Variants in CAMK4 observed in about 807,000 individuals in gnomAD.
The protein encoded by CAMK4 is calcium/calmodulin dependent protein kinase IV, also known as calcium/calmodulin-dependent protein kinase type IV.
CAMK4 carries 22 observed loss-of-function variants against 44.9 expected under a neutral mutation model. That is an observed-to-expected ratio of 0.49 (90% CI 0.35 to 0.70). The LOEUF (loss-of-function observed/expected upper bound fraction) is 0.70, where lower values mean the gene tolerates loss of function less well. Among genes scored for constraint, CAMK4 ranks in the 30% least tolerant of loss-of-function variants. The pLI, the probability that CAMK4 is intolerant of heterozygous loss-of-function variation, is 0.01. For missense variants in CAMK4, 498 were observed against 586.8 expected, an observed-to-expected ratio of 0.85 and a Z score of 1.56; for synonymous variants, 218 against 215.4, an observed-to-expected ratio of 1.01 and a Z score of -0.11.
At chr5:111,330,052 AT>A (rs200493608) in intron 1 of CAMK4, among the ~76,000 whole-genome samples, 2 of 150,510 alleles carry the variant, frequency 1.3e-5, no homozygotes, top group Non-Finnish European at 1.5e-5. Context: ...GATAAAACAT[AT>A]TTTTTTTGGT....
At chr5:111,310,417 A>G (rs1409492645) in intron 1 of CAMK4, among the ~76,000 whole-genome samples, 1 of 152,202 alleles carries the variant, frequency 6.6e-6, no homozygotes, top group Non-Finnish European at 1.5e-5. Context: ...GGCACTAATG[A>G]CAAAAGAGGC....
intron 2 of CAMK4, among the ~76,000 whole-genome samples, chr5:111,362,240 T>C (rs918597458): frequency 1.3e-5 from 2 of 152,012 alleles, no homozygotes; most frequent in Admixed American, 1.3e-4. Context: ...CTCTAAATGA[T>C]CAAGCCAGGA....
chr5:111,362,770 G>A (rs1005539151), intron 2 of CAMK4, among the ~76,000 whole-genome samples: 3 of 151,952 alleles, frequency 2.0e-5, no homozygotes, highest in Non-Finnish European at 4.4e-5. Context: ...AATATGAGGA[G>A]TAAAGACCCA....
chr5:111,454,110 A>T (rs1053687999), intron 7 of CAMK4, among the ~76,000 whole-genome samples: 6 of 152,204 alleles, frequency 3.9e-5, no homozygotes, highest in African/African-American at 1.4e-4. Context: ...AGAAAAATTT[A>T]AAATATTTAC....
At chr5:111,348,778 A>G (rs1055816372) in intron 2 of CAMK4, among the ~76,000 whole-genome samples, 1 of 152,038 alleles carries the variant, frequency 6.6e-6, no homozygotes, top group Non-Finnish European at 1.5e-5. Flanking sequence ...TCATAATGAG[A>G]AGTCTGTGGA....
At chr5:111,375,014 C>T (rs953093151) in intron 3 of CAMK4, 102 bp downstream of exon 3, 3 of 753,012 alleles carry the variant, frequency 4.0e-6, no homozygotes, top group African/African-American at 3.5e-5. Flanking sequence ...GATTCTCCCA[C>T]CACTGATAGC....
chr5:111,390,010 A>G (rs962524695), intron 4 of CAMK4, among the ~76,000 whole-genome samples: 1 of 152,220 alleles, frequency 6.6e-6, no homozygotes. Flanking sequence ...TTCAGAAAGT[A>G]TAGTCCCATG....
rs1161826674 is a variant in CAMK4, at chr5:111,252,549, A to G, written c.161+27905A>G. The stretch of plus-strand genomic sequence containing the variant: ...GTAGAGTTAGTGTAAAAAATATCCT[A>G]TGAGTCTTATAGGTCCCAAAAGGAC... On this transcript the variant is annotated intron_variant, in intron 1 of 10. Transcript: ENST00000282356. 2.0e-5 allele frequency among the ~76,000 whole-genome samples: 3 copies of G among 152,162 alleles called. No individual in the cohort carries two copies. The East Asian group carries it at 5.8e-4, about 29-fold the overall frequency.
rs1755652082 is a variant in CAMK4, at chr5:111,486,902, A to G, written c.*2436A>G. On this transcript the variant is annotated 3_prime_UTR_variant, in exon 11 of 11. Coordinates refer to ENST00000282356, the MANE Select transcript of CAMK4 (RefSeq NM_001744.6). ...TTTTAAATTTTGACTCATGTTAAAG[A>G]TAAGATTCTGATAATGACTATATAG... is the stretch of plus-strand genomic sequence containing the variant. The G allele has an allele frequency of 6.6e-6, 1 of 152,204 alleles. No individual in the cohort carries two copies. Among genetic ancestry groups the G allele is most frequent in the Admixed American group, 6.5e-5 (1 of 15,278 alleles). The allele number at this position is 152,204 out of a possible 1,614,324, so 9.4% of individuals were successfully genotyped here. A position where few individuals can be genotyped will look rare whatever the true frequency, so the allele number is the denominator to read the frequency against.
Position 111,296,566 on chromosome 5 carries a change from T to C in CAMK4, c.162-47458T>C, listed in dbSNP as rs73230502. On this transcript the variant is annotated intron_variant, in intron 1 of 10. Transcript: ENST00000282356. ...ATGATTGTTTTATCAAATAAGTATG[T>C]TCTACCAAAAATAATTTGCCAAATA... 5.8e-3 allele frequency among the ~76,000 whole-genome samples: 884 copies of C among 152,352 alleles called. 7 individuals are homozygous for C. Among genetic ancestry groups the C allele is most frequent in the African/African-American group, 0.02 (847 of 41,566 alleles).
intron 5 of CAMK4, among the ~76,000 whole-genome samples, chr5:111,395,224 A>AC (rs1414058647): frequency 2.9e-5 from 3 of 104,848 alleles, no homozygotes; most frequent in Non-Finnish European, 5.6e-5. Context: ...AAAAAAAAAA[A>AC]AAAGAAAAAA....
chr5:111,346,482 T>TTATCCATCTATCTATC (rs1554063398), intron 2 of CAMK4, among the ~76,000 whole-genome samples: 4 of 149,918 alleles, frequency 2.7e-5, no homozygotes, highest in African/African-American at 7.4e-5. Context: ...GCTTGAAACT[T>TTATCCATCTATCTATC]TATCTATCTA....
In CAMK4 at chr5:111,490,938, A is replaced by T. The variant is rs1368093510; in HGVS notation, c.*6472A>T. On this transcript the variant is annotated 3_prime_UTR_variant, in exon 11 of 11. Coordinates refer to ENST00000282356, the MANE Select transcript of CAMK4 (RefSeq NM_001744.6). ...TCTTGTGAGTTTAGTGAGTGGGTAC[A>T]GCTGAGTTGGGGTTTAGGTGATTTC... The T allele has an allele frequency of 6.6e-6, 1 of 152,196 alleles. No individual in the cohort carries two copies. The highest frequency in any genetic ancestry group is 2.4e-5 in the African/African-American group (1 of 41,450). The allele number at this position is 152,196 out of a possible 1,614,324, so 9.4% of individuals were successfully genotyped here.
chr5:111,452,822 G>A (rs556336972), intron 7 of CAMK4, among the ~76,000 whole-genome samples: 1 of 152,292 alleles, frequency 6.6e-6, no homozygotes, highest in South Asian at 2.1e-4. Flanking sequence ...TCTACTATAG[G>A]TAGTGGCTTA....
intron 1 of CAMK4, among the ~76,000 whole-genome samples, chr5:111,341,791 G>T (rs1749655898): frequency 6.6e-6 from 1 of 151,072 alleles, no homozygotes; most frequent in Non-Finnish European, 1.5e-5. Flanking sequence ...GAACACTGAG[G>T]GCACAAAGAG....
chr5:111,247,303 A>T (rs1423700693), intron 1 of CAMK4, among the ~76,000 whole-genome samples: 1 of 147,802 alleles, frequency 6.8e-6, no homozygotes, highest in Non-Finnish European at 1.5e-5. Flanking sequence ...TTAAATATAA[A>T]TTATTTTTAT....
At chr5:111,286,067 T>C (rs541797366) in intron 1 of CAMK4, among the ~76,000 whole-genome samples, 4 of 152,252 alleles carry the variant, frequency 2.6e-5, no homozygotes, top group African/African-American at 4.8e-5. Context: ...GTGGAAGTCA[T>C]AGAGCAGGGG....
chr5:111,405,426 C>G (rs1414454998), intron 5 of CAMK4, among the ~76,000 whole-genome samples: 1 of 152,046 alleles, frequency 6.6e-6, no homozygotes, highest in Non-Finnish European at 1.5e-5. Context: ...TGAGATTGCA[C>G]CACCGCACTC....
intron 1 of CAMK4, among the ~76,000 whole-genome samples, chr5:111,234,992 G>A (rs1433667951): frequency 1.3e-5 from 2 of 152,142 alleles, no homozygotes; most frequent in Admixed American, 6.5e-5. Flanking sequence ...CACATGTCTT[G>A]TTACCTACAA....
Sources: gnomAD v4.1 joint callset for allele counts (sites outside exome capture counted in the v4.1 genomes callset) on GRCh38, gnomAD v4.1.1 for gene constraint, MANE v1.5 for transcripts, NCBI Gene and HGNC (gene_info 2026-07-23, HGNC 2026-07-21) for gene names.